The following DAPK1 variants were observed in gnomAD, a reference collection of about 807,000 sequenced individuals.
DAPK1 encodes death associated protein kinase 1.
Under a neutral mutation model 144.9 loss-of-function variants are expected in DAPK1, and 56 were observed. The ratio of observed to expected loss-of-function variants is 0.39; its 90% CI spans 0.31 to 0.48. The LOEUF (loss-of-function observed/expected upper bound fraction) is 0.48. Ranked by LOEUF, DAPK1 falls within the 20% of genes least tolerant of loss-of-function variation. DAPK1 has a pLI of 0.95. For synonymous variants in DAPK1, 690 were observed against 749.0 expected (o/e 0.92, Z 1.29); for missense variants, 1,454 against 1,875.4 (o/e 0.78, Z 4.15).
chr9:87,702,038 G>T (rs1399096910), intron 24 of DAPK1: 1 of 301,746 alleles, frequency 3.3e-6, no homozygotes, highest in African/African-American at 2.2e-5. Context: ...GCAGGAGGGA[G>T]TGTCCCTGGA....
Position 87,651,604 on chromosome 9 carries a change from T to C in DAPK1, c.1704T>C (p.Cys568=), listed in dbSNP as rs1372555993. The C allele has an allele frequency of 6.2e-7, 1 of 1,614,018 alleles. No individual in the cohort carries two copies. The highest frequency in any genetic ancestry group is 8.5e-7 in the Non-Finnish European group (1 of 1,180,024). Reference sequence around the variant, plus strand: ...TCAAGACTCTCCTCAGCCAAGGGTGTTTCGTCGATTATCAAGACAGGCACG... The same window carrying C: ...TCAAGACTCTCCTCAGCCAAGGGTGCTTCGTCGATTATCAAGACAGGCACG... ...EVIKTLLSQG[C]FVDYQDRHGN... Residue 568 remains cysteine (C), a synonymous_variant, in exon 17 of 26, where the codon TGT becomes TGC. Transcript: ENST00000408954.
chr9:87,681,274 G>A (rs953693260), intron 19 of DAPK1, 130 bp from the exon 20 acceptor site: 31 of 373,506 alleles, frequency 8.3e-5, no homozygotes, highest in Non-Finnish European at 1.2e-4. Context: ...GTGAAACTCC[G>A]TCTCAAAAAA....
At chr9:87,644,824 T>C (rs1350901496) in intron 11 of DAPK1, among the ~76,000 whole-genome samples, 1 of 152,218 alleles carries the variant, frequency 6.6e-6, no homozygotes, top group African/African-American at 2.4e-5. Context: ...GATTCCCTTA[T>C]TTCCATATTC....
chr9:87,546,164 A>G (rs1368126118), intron 2 of DAPK1, among the ~76,000 whole-genome samples: 2 of 152,096 alleles, frequency 1.3e-5, no homozygotes, highest in Non-Finnish European at 2.9e-5. Flanking sequence ...TTTTATTCAG[A>G]TATGGTGAAG....
chr9:87,554,835 G>A (rs1367818370), intron 2 of DAPK1, among the ~76,000 whole-genome samples: 1 of 152,186 alleles, frequency 6.6e-6, no homozygotes, highest in African/African-American at 2.4e-5. Context: ...GTCTGAGAGT[G>A]TCAGGGCTTC....
At chr9:87,702,345 C>G (rs1188445410) in intron 24 of DAPK1, among the ~76,000 whole-genome samples, 1 of 152,138 alleles carries the variant, frequency 6.6e-6, no homozygotes, top group Non-Finnish European at 1.5e-5. Flanking sequence ...GTTAAAAATC[C>G]ACTTCAGCCT....
intron 18 of DAPK1, among the ~76,000 whole-genome samples, chr9:87,661,609 T>C (rs1830849602): frequency 6.6e-6 from 1 of 152,180 alleles, no homozygotes; most frequent in Non-Finnish European, 1.5e-5. Context: ...TTTGTGGGCT[T>C]TCTGTCTTCT....
chr9:87,640,944 T>A, intron 9 of DAPK1, 97 bp downstream of exon 9: 1 of 1,179,856 alleles, frequency 8.5e-7, no homozygotes, highest in Non-Finnish European at 1.3e-6. Context: ...TAACCACAGG[T>A]CACACCTGGA....
At chr9:87,567,942 T>C (rs111432006) in intron 2 of DAPK1, among the ~76,000 whole-genome samples, 16 of 152,234 alleles carry the variant, frequency 1.1e-4, no homozygotes, top group African/African-American at 3.9e-4. Flanking sequence ...CCAAAAAGGC[T>C]GCCACTATTC....
At chr9:87,617,149 A>G (rs1282853514) in intron 3 of DAPK1, among the ~76,000 whole-genome samples, 1 of 152,216 alleles carries the variant, frequency 6.6e-6, no homozygotes, top group East Asian at 1.9e-4. Context: ...CTGCATAGTT[A>G]GGGTCCATTT....
At chr9:87,580,621 T>C (rs1026720894) in intron 2 of DAPK1, among the ~76,000 whole-genome samples, 47 of 152,208 alleles carry the variant, frequency 3.1e-4, no homozygotes, top group Non-Finnish European at 1.0e-4. Flanking sequence ...TGAGCACTTA[T>C]TGTATACAAG....
At chr9:87,626,292 G>T (rs10746821) in intron 3 of DAPK1, among the ~76,000 whole-genome samples, 74,484 of 151,928 alleles carry the variant, frequency 0.49, 19,365 homozygotes, top group East Asian at 0.77. Flanking sequence ...GTGCACGCCT[G>T]TAATCCCAGC....
intron 14 of DAPK1, 42 bp downstream of exon 14, chr9:87,647,445 A>G (rs1830307407): frequency 6.5e-7 from 1 of 1,528,520 alleles, no homozygotes; most frequent in African/African-American, 1.4e-5. Context: ...GTGGTAGTAA[A>G]TGGATGCATG....
Position 87,647,477 on chromosome 9 carries a change from C to T in DAPK1, c.1329+74C>T, listed in dbSNP as rs879149171. ...CATGTGAGTGTGAGTGCTGGCCTACCGTGTGCATCGGGACCCAAAGGAAAG... is the reference window on the plus strand; with the variant it reads ...CATGTGAGTGTGAGTGCTGGCCTACTGTGTGCATCGGGACCCAAAGGAAAG... On this transcript the variant is annotated intron_variant, in intron 14 of 25. Coordinates refer to ENST00000408954, the MANE Select transcript of DAPK1 (RefSeq NM_004938.4). The T allele has an allele frequency of 1.8e-4, 229 of 1,262,560 alleles. 4 individuals carry two copies. The South Asian group carries it at 2.5e-3, about 14-fold the overall frequency. The allele number at this position is 1,262,560 out of a possible 1,614,324, so 78.2% of individuals were successfully genotyped here.
chr9:87,645,883 G>A lies in DAPK1; in HGVS notation c.1012-12G>A. On this transcript the variant is annotated splice_polypyrimidine_tract_variant and intron_variant, in intron 11 of 25. Coordinates refer to ENST00000408954, the MANE Select transcript of DAPK1 (RefSeq NM_004938.4). The stretch of plus-strand genomic sequence containing the variant: ...ATGTAACTCTGTTTCCATCTTGGCT[G>A]TCTCTCTCAAGGATGAGGAAGACTC... 2 of 1,613,302 alleles carry A rather than the reference G, an allele frequency of 1.2e-6. No homozygotes were observed. Among genetic ancestry groups the A allele is most frequent in the Non-Finnish European group, 8.5e-7 (1 of 1,179,626 alleles).
At chr9:87,696,281 A>G (rs948892716) in intron 21 of DAPK1, among the ~76,000 whole-genome samples, 1 of 152,218 alleles carries the variant, frequency 6.6e-6, no homozygotes, top group African/African-American at 2.4e-5. Context: ...ATATAGATAC[A>G]TATATACACA....
intron 2 of DAPK1, among the ~76,000 whole-genome samples, chr9:87,560,064 C>T (rs11141887): frequency 0.23 from 34,991 of 150,338 alleles, 4,577 homozygotes; most frequent in Non-Finnish European, 0.31. Context: ...GATCTTGGCT[C>T]ACTGCAACCT....
chr9:87,585,888 A>G (rs993412603), intron 2 of DAPK1, among the ~76,000 whole-genome samples: 2 of 152,198 alleles, frequency 1.3e-5, no homozygotes, highest in African/African-American at 4.8e-5. Context: ...CATTTTCATT[A>G]TTGACTACAT....
chr9:87,652,399 ACC>A (rs1830480085), intron 17 of DAPK1, among the ~76,000 whole-genome samples: 1 of 32,746 alleles, frequency 3.1e-5, no homozygotes, highest in Admixed American at 2.6e-4. Flanking sequence ...GTGTCCTCCC[ACC>A]TGATCCCGGG....
Sources: gnomAD v4.1 joint callset for allele counts (sites outside exome capture counted in the v4.1 genomes callset) on GRCh38, gnomAD v4.1.1 for gene constraint, MANE v1.5 for transcripts, NCBI Gene and HGNC (gene_info 2026-07-23, HGNC 2026-07-21) for gene names.